TRIM5: variants seen among roughly 807,000 people sequenced by gnomAD.
TRIM5 encodes tripartite motif containing 5, also known as tripartite motif-containing protein 5.
In TRIM5, 31 loss-of-function variants were observed where a neutral mutation model predicts 35.6. The observed-to-expected ratio is 0.87, with a 90% CI of 0.65 to 1.18. The LOEUF is 1.18. TRIM5 is among the 50% of genes most tolerant of loss of function. The pLI is 0.00. For synonymous variants in TRIM5, 243 were observed against 215.6 expected (o/e 1.13, Z -1.11); for missense variants, 609 against 591.6 (o/e 1.03, Z -0.31).
chr11:5,640,728 T>C, the TRIM5 span, among the ~76,000 whole-genome samples: 320 of 152,324 alleles, frequency 2.1e-3, 1 homozygote, highest in African/African-American at 7.4e-3. Context: ...TTTGATATTA[T>C]TTCTTTTTAA....
the TRIM5 span, among the ~76,000 whole-genome samples, chr11:5,633,289 T>C: frequency 3.3e-5 from 5 of 152,054 alleles, no homozygotes; most frequent in Non-Finnish European, 5.9e-5. Flanking sequence ...ATCTTCTCCA[T>C]GTACATCTTT....
At chr11:5,636,964 G>GGA in the TRIM5 span, among the ~76,000 whole-genome samples, 1 of 152,168 alleles carries the variant, frequency 6.6e-6, no homozygotes, top group Admixed American at 6.5e-5. Flanking sequence ...GGCTAACACA[G>GGA]TGAAACCCCG....
In TRIM5 at chr11:5,667,652, C is replaced by A. The variant is rs745709393; in HGVS notation, c.767+37G>T. 2.5e-6 allele frequency: 4 copies of A among 1,610,926 alleles called. No individual in the cohort carries two copies. In the East Asian group the frequency reaches 8.9e-5, roughly 36 times the overall value. ...TCTAATGGCTATAAATCTCTCCTCA[C>A]TGCACAAAAGGACCATCTCTGTCCT... On this transcript the variant is annotated intron_variant, in intron 5 of 7. Coordinates refer to ENST00000380034, the MANE Select transcript of TRIM5 (RefSeq NM_033034.3).
At chr11:5,643,218 G>A in the TRIM5 span, 1 of 1,612,554 alleles carries the variant, frequency 6.2e-7, no homozygotes, top group Non-Finnish European at 8.5e-7. Context: ...AGTGATATCT[G>A]TGCCAATTTG....
At chr11:5,650,860 G>A in the TRIM5 span, among the ~76,000 whole-genome samples, 15 of 152,210 alleles carry the variant, frequency 9.9e-5, no homozygotes, top group African/African-American at 3.6e-4. Flanking sequence ...GGTATCTACA[G>A]AAGATAGCAC....
Position 5,664,596 on chromosome 11 carries a change from G to A in TRIM5, c.*213C>T. ...AGTTTTCCTTAGGAGTACGGAAAAT[G>A]ATGAAAAAAATTGCTATCAAATGTC... On this transcript the variant is annotated 3_prime_UTR_variant, in exon 8 of 8. Coordinates refer to ENST00000380034, the MANE Select transcript of TRIM5 (RefSeq NM_033034.3). 1 of 1,297,486 alleles carries A rather than the reference G, an allele frequency of 7.7e-7. No homozygotes were observed. The allele number at this position is 1,297,486 out of a possible 1,614,324, so 80.4% of individuals were successfully genotyped here. A position where few individuals can be genotyped will look rare whatever the true frequency, so the allele number is the denominator to read the frequency against.
the TRIM5 span, among the ~76,000 whole-genome samples, chr11:5,651,182 A>C: frequency 7.9e-5 from 12 of 152,320 alleles, no homozygotes; most frequent in African/African-American, 2.9e-4. Context: ...TTTCACTTTA[A>C]AAGGGATATT....
the TRIM5 span, chr11:5,633,845 G>C: frequency 6.2e-7 from 1 of 1,614,100 alleles, no homozygotes; most frequent in African/African-American, 1.3e-5. Context: ...AGAAGGAAGA[G>C]GAGGAAGCTG....
the TRIM5 span, chr11:5,642,736 T>A: frequency 2.5e-6 from 4 of 1,579,498 alleles, no homozygotes; most frequent in African/African-American, 1.4e-5. Flanking sequence ...CCTTCCCCTG[T>A]CCCTACTCTA....
At chr11:5,660,722 G>A (rs919440008), downstream of TRIM5, among the ~76,000 whole-genome samples, 1 of 152,014 alleles carries the variant, frequency 6.6e-6, no homozygotes, top group Non-Finnish European at 1.5e-5. Flanking sequence ...TGGTGTTGGA[G>A]TATGGTGGTT....
At position 5,678,367 on chromosome 11, in the gene TRIM5, C is replaced by A. The variant is rs1188264347; in HGVS notation, c.581G>T (p.Trp194Leu). The change falls in exon 4 of 8, where the codon TGG (tryptophan) becomes TTG (leucine). Residue 194 changes from tryptophan (W) to leucine (L), a missense_variant. Physicochemically the swap from Trp to Leu is moderately conservative, Grantham distance 61 (BLOSUM62 -2). Coordinates refer to ENST00000380034, the MANE Select transcript of TRIM5 (RefSeq NM_033034.3). ...DFEQLRDILD[W>L]EESNELQNLE... ...GTTTTGCAGCTCATTGCTCTCCTCC[C>A]AGTCCAGGATGTCTCTCAGTTGCTC... The A allele has an allele frequency of 6.2e-7, 1 of 1,611,780 alleles. No individual in the cohort carries two copies. Among genetic ancestry groups the A allele is most frequent in the Non-Finnish European group, 8.5e-7 (1 of 1,178,306 alleles).
In TRIM5 at chr11:5,664,894, T is replaced by C. The variant is rs780650210; in HGVS notation, c.1397A>G (p.His466Arg). The C allele has an allele frequency of 1.9e-6, 3 of 1,613,828 alleles. No homozygotes were observed. The highest frequency in any genetic ancestry group is 1.7e-5 in the Admixed American group (1 of 59,992). The change falls in exon 8 of 8, where the codon CAC (histidine) becomes CGC (arginine). Residue 466 changes from histidine to arginine, a missense_variant. Coordinates refer to ENST00000380034, the MANE Select transcript of TRIM5 (RefSeq NM_033034.3). ...NHGFLIYKFS[H>R]CSFSQPVFPY... ...AAATACAGGCTGAGAAAAAGAACAG[T>C]GAGAAAACTTATAGATGAGAAATCC...
chr11:5,604,560 G>A, the TRIM5 span: 1 of 1,613,008 alleles, frequency 6.2e-7, no homozygotes, highest in African/African-American at 1.3e-5. Flanking sequence ...CTCTAAAGAA[G>A]CTGAAGAACG....
chr11:5,658,365 C>T (rs1343955522), downstream of TRIM5, among the ~76,000 whole-genome samples: 10 of 152,184 alleles, frequency 6.6e-5, no homozygotes, highest in African/African-American at 2.2e-4. Context: ...TCATCCACCT[C>T]GCTGAGAGCT....
chr11:5,632,723 T>C, the TRIM5 span: 2 of 1,608,834 alleles, frequency 1.2e-6, no homozygotes, highest in Non-Finnish European at 1.7e-6. Flanking sequence ...CACCACACAG[T>C]CCTCACGGAG....
At chr11:5,616,053 C>G in the TRIM5 span, among the ~76,000 whole-genome samples, 2 of 149,634 alleles carry the variant, frequency 1.3e-5, no homozygotes, top group Non-Finnish European at 3.0e-5. Flanking sequence ...CGGGTTCACG[C>G]CATTCTCCTG....
intron 1 of TRIM5, among the ~76,000 whole-genome samples, chr11:5,680,736 T>C (rs1484993304): frequency 6.6e-6 from 1 of 152,248 alleles, no homozygotes; most frequent in Non-Finnish European, 1.5e-5. Flanking sequence ...GACTACCTTA[T>C]GTGCAGTGTA....
chr11:5,611,293 A>G, the TRIM5 span: 1 of 1,614,066 alleles, frequency 6.2e-7, no homozygotes, highest in South Asian at 1.1e-5. Flanking sequence ...CCATATTTTA[A>G]TCCTTGCAAC....
chr11:5,595,022 A>G, the TRIM5 span, among the ~76,000 whole-genome samples: 3 of 152,216 alleles, frequency 2.0e-5, no homozygotes, highest in African/African-American at 7.2e-5. Flanking sequence ...GACATGAGGT[A>G]GTCACTGAAA....
Sources: allele counts gnomAD v4.1 joint callset (sites outside exome capture counted in the v4.1 genomes callset), GRCh38; gene constraint gnomAD v4.1.1; transcripts MANE v1.5; gene names NCBI Gene and HGNC (gene_info 2026-07-23, HGNC 2026-07-21).